The following RFX3 variants were observed in gnomAD, a reference collection of about 807,000 sequenced individuals.
RFX3 encodes the protein transcription factor RFX3.
In RFX3, 14 loss-of-function variants were observed where a neutral mutation model predicts 98.6. The ratio of observed to expected loss-of-function variants is 0.14; its 90% CI spans 0.09 to 0.22. The LOEUF is 0.22. Ranked by LOEUF, RFX3 falls within the 10% of genes least tolerant of loss-of-function variation. RFX3 has a pLI of 1.00. For missense variants in RFX3, 639 were observed against 926.9 expected (o/e 0.69, Z 4.03); for synonymous variants, 383 against 328.4 (o/e 1.17, Z -1.80).
At chr9:3,350,101 G>A (rs902573636) in intron 2 of RFX3, among the ~76,000 whole-genome samples, 5 of 151,992 alleles carry the variant, frequency 3.3e-5, no homozygotes, top group African/African-American at 9.7e-5. Flanking sequence ...TGTAATTCAT[G>A]GAACAAATAA....
intron 1 of RFX3, among the ~76,000 whole-genome samples, chr9:3,483,664 T>C (rs569161302): frequency 6.6e-6 from 1 of 152,314 alleles, no homozygotes; most frequent in Non-Finnish European, 1.5e-5. Context: ...GATATCCAGG[T>C]ATATGCTTTC....
intron 15 of RFX3, chr9:3,247,500 A>C: frequency 1.3e-6 from 1 of 749,982 alleles, no homozygotes; most frequent in Non-Finnish European, 1.7e-6. Flanking sequence ...AACGTATCTC[A>C]AAGACTTGCA....
At chr9:3,276,676 C>G (rs571658173) in intron 8 of RFX3, among the ~76,000 whole-genome samples, 2 of 152,034 alleles carry the variant, frequency 1.3e-5, no homozygotes, top group Non-Finnish European at 2.9e-5. Context: ...TATACACACA[C>G]ACAGACACAT....
At chr9:3,359,891 T>C (rs891146217) in intron 2 of RFX3, among the ~76,000 whole-genome samples, 1 of 152,200 alleles carries the variant, frequency 6.6e-6, no homozygotes, top group Non-Finnish European at 1.5e-5. Flanking sequence ...ATTCAAATTG[T>C]TCAAATATTA....
rs138256342 is a variant in RFX3 at position 3,234,602 on chromosome 9, G to A, written c.1969-5713C>T. 7.0e-3 allele frequency among the ~76,000 whole-genome samples: 1,073 copies of A among 152,254 alleles called. 21 individuals carry two copies. The highest frequency in any genetic ancestry group is 0.025 in the African/African-American group (1,022 of 41,546). On this transcript the variant is annotated intron_variant, in intron 15 of 16. Transcript: ENST00000617270. ...TGCAGTGAACTGTGATCGTGCCACT[G>A]TACTCCAGCCTGGGTGACAGAGCAA... is the stretch of plus-strand genomic sequence containing the variant.
intron 1 of RFX3, among the ~76,000 whole-genome samples, chr9:3,403,040 A>G (rs1841623850): frequency 6.6e-6 from 1 of 152,072 alleles, no homozygotes; most frequent in South Asian, 2.1e-4. Context: ...ACATATGTTT[A>G]GTCACGTACT....
chr9:3,406,131 T>C (rs900007961), intron 1 of RFX3, among the ~76,000 whole-genome samples: 1 of 151,974 alleles, frequency 6.6e-6, no homozygotes, highest in African/African-American at 2.4e-5. Context: ...AGCTAATTTT[T>C]TGGATTTTTT....
chr9:3,268,762 A>G (rs1823993397), intron 11 of RFX3, among the ~76,000 whole-genome samples: 1 of 152,020 alleles, frequency 6.6e-6, no homozygotes, highest in Non-Finnish European at 1.5e-5. Context: ...TTTAAAACAG[A>G]GAACTGTTAA....
chr9:3,446,448 G>T (rs1846058541), intron 1 of RFX3, among the ~76,000 whole-genome samples: 1 of 152,002 alleles, frequency 6.6e-6, no homozygotes, highest in African/African-American at 2.4e-5. Flanking sequence ...GAAACCAGGA[G>T]ATCTGTGAAC....
At chr9:3,419,927 T>C (rs1843300914) in intron 1 of RFX3, among the ~76,000 whole-genome samples, 1 of 152,174 alleles carries the variant, frequency 6.6e-6, no homozygotes, top group Admixed American at 6.5e-5. Context: ...AGGCAAACCG[T>C]AAAATTCCAA....
chr9:3,370,882 G>T (rs895305162), intron 2 of RFX3, among the ~76,000 whole-genome samples: 1 of 152,056 alleles, frequency 6.6e-6, no homozygotes, highest in Non-Finnish European at 1.5e-5. Context: ...AAACTGAACA[G>T]TAATGTATTA....
At chr9:3,430,807 A>C (rs1844589075) in intron 1 of RFX3, among the ~76,000 whole-genome samples, 1 of 152,142 alleles carries the variant, frequency 6.6e-6, no homozygotes, top group South Asian at 2.1e-4. Context: ...AAAAAAAATC[A>C]CATAAAGAAT....
In RFX3 at chr9:3,219,619, G is replaced by T. The variant is rs1315379758; in HGVS notation, c.*5423C>A. ...TTTGTAAGTGGCTTTTACTATTTAA[G>T]TAAAATTGGTAAACTAAACTCAGGT... On this transcript the variant is annotated 3_prime_UTR_variant, in exon 17 of 17. Transcript: ENST00000617270. The T allele has an allele frequency of 2.6e-5, 4 of 152,098 alleles. No homozygotes were observed. Among genetic ancestry groups the T allele is most frequent in the African/African-American group, 9.7e-5 (4 of 41,404 alleles). 9.4% of individuals were successfully genotyped at this position (152,098 alleles called of 1,614,324 possible). A position where few individuals can be genotyped will look rare whatever the true frequency, so the allele number is the denominator to read the frequency against.
chr9:3,326,295 T>C (rs1422502711), intron 4 of RFX3, among the ~76,000 whole-genome samples: 1 of 152,174 alleles, frequency 6.6e-6, no homozygotes, highest in African/African-American at 2.4e-5. Flanking sequence ...TCATATAAAA[T>C]TTAATTTGTT....
At chr9:3,454,461 T>C (rs907354229) in intron 1 of RFX3, among the ~76,000 whole-genome samples, 2 of 152,180 alleles carry the variant, frequency 1.3e-5, no homozygotes, top group East Asian at 3.8e-4. Flanking sequence ...TGAGATCATA[T>C]ATAAGAGAAA....
intron 4 of RFX3, among the ~76,000 whole-genome samples, chr9:3,322,621 T>C (rs1284321176): frequency 1.3e-5 from 2 of 152,008 alleles, no homozygotes; most frequent in Non-Finnish European, 2.9e-5. Context: ...TAATCCCAGT[T>C]ACTAGGGAGG....
At chr9:3,306,658 A>T (rs1420080060) in intron 4 of RFX3, among the ~76,000 whole-genome samples, 1 of 151,526 alleles carries the variant, frequency 6.6e-6, no homozygotes, top group East Asian at 1.9e-4. Flanking sequence ...CTAAATGACG[A>T]ATTAATGGGT....
intron 1 of RFX3, among the ~76,000 whole-genome samples, chr9:3,466,390 A>G (rs1311326003): frequency 6.6e-6 from 1 of 152,200 alleles, no homozygotes; most frequent in Non-Finnish European, 1.5e-5. Context: ...CAAATAATAA[A>G]TTATTAAAAG....
At chr9:3,364,567 G>T in intron 2 of RFX3, 1 of 165,426 alleles carries the variant, frequency 6.0e-6, no homozygotes, top group South Asian at 1.5e-4. Flanking sequence ...TATCTTGGTT[G>T]ATGCCATCCA....
Sources: gnomAD v4.1 joint callset for allele counts (sites outside exome capture counted in the v4.1 genomes callset) on GRCh38, gnomAD v4.1.1 for gene constraint, MANE v1.5 for transcripts, NCBI Gene and HGNC (gene_info 2026-07-23, HGNC 2026-07-21) for gene names.